The following GIMAP7 variants were observed in gnomAD, a reference collection of about 807,000 sequenced individuals.
The protein encoded by GIMAP7 is GTPase, IMAP family member 7, also known as GTPase IMAP family member 7.
For synonymous variants in GIMAP7, 137 were observed against 129.3 expected, an observed-to-expected ratio of 1.06 and a Z score of -0.40; for missense variants, 323 against 359.7, an observed-to-expected ratio of 0.90 and a Z score of 0.83.
intron 1 of GIMAP7, among the ~76,000 whole-genome samples, chr7:150,515,838 C>T (rs1795131718): frequency 6.6e-6 from 1 of 152,146 alleles, no homozygotes; most frequent in Non-Finnish European, 1.5e-5. Flanking sequence ...AATGCGGAGC[C>T]CTCCTCACGG....
In GIMAP7 at chr7:150,520,045, C is replaced by T; in HGVS notation, c.71C>T (p.Thr24Ile). 1 of 1,614,114 alleles carries T rather than the reference C, an allele frequency of 6.2e-7. No individual in the cohort carries two copies. Among genetic ancestry groups the T allele is most frequent in the Non-Finnish European group, 8.5e-7 (1 of 1,180,010 alleles). Residue 24 changes from threonine to isoleucine, a missense_variant, in exon 2 of 2, where the codon ACA becomes ATA. Coordinates refer to ENST00000313543, the MANE Select transcript of GIMAP7 (RefSeq NM_153236.4). ...AAAACTGGAAGTGGGAAAAGTGCAACAGCGAACACCATCCTTGGAGAGGAA... is the reference window on the plus strand; with the variant it reads ...AAAACTGGAAGTGGGAAAAGTGCAATAGCGAACACCATCCTTGGAGAGGAA... The part of the protein sequence containing the change: ...VGKTGSGKSA[T>I]ANTILGEEIF...
In GIMAP7 at chr7:150,520,590, T is replaced by C. The variant is rs1399569996; in HGVS notation, c.616T>C (p.Tyr206His). 7 of 1,614,050 alleles carry C rather than the reference T, an allele frequency of 4.3e-6. No individual in the cohort carries two copies. Among genetic ancestry groups the C allele is most frequent in the Admixed American group, 1.7e-5 (1 of 60,012 alleles). ...NEGAYFSDDI[Y>H]KDTEERLKQR... The stretch of plus-strand genomic sequence containing the variant: ...AGGGGCTTACTTTTCTGATGACATA[T>C]ACAAGGACACAGAGGAAAGGCTGAA... Residue 206 changes from tyrosine to histidine, a missense_variant, in exon 2 of 2, where the codon TAC (tyrosine) becomes CAC (histidine). Transcript: ENST00000313543.
intron 1 of GIMAP7, among the ~76,000 whole-genome samples, chr7:150,515,915 T>C (rs566856109): frequency 3.3e-5 from 5 of 152,140 alleles, no homozygotes; most frequent in African/African-American, 1.2e-4. Context: ...TCCTTTGCCC[T>C]CCACTGGTCT....
In GIMAP7 at chr7:150,520,859, T is replaced by C; in HGVS notation, c.885T>C (p.Cys295=). The part of the protein sequence containing the change: ...SEIWHRFLSK[C]KFYSS ...TATGGCATAGGTTTTTGTCGAAATG[T>C]AAGTTTTATTCTTCCTAATTTACTG... Residue 295 remains cysteine (C), a synonymous_variant, in exon 2 of 2, where the codon TGT becomes TGC. Coordinates refer to ENST00000313543, the MANE Select transcript of GIMAP7 (RefSeq NM_153236.4). The C allele has an allele frequency of 6.8e-7, 1 of 1,466,518 alleles. No homozygotes were observed. The highest frequency in any genetic ancestry group is 9.0e-7 in the Non-Finnish European group (1 of 1,105,298). The allele number at this position is 1,466,518 out of a possible 1,614,324, so 90.8% of individuals were successfully genotyped here.
At position 150,520,125 on chromosome 7, in the gene GIMAP7, T is replaced by C. The variant is rs867606711; in HGVS notation, c.151T>C (p.Ser51Pro). ...TGTTACCAAGAACTGTCAAAAAGCA[T>C]CCCGGGAATGGCAGGGGAGAGACCT... Reference protein sequence around the residue: ...QAVTKNCQKASREWQGRDLLV... With the variant: ...QAVTKNCQKAPREWQGRDLLV... The change falls in exon 2 of 2, where the codon TCC becomes CCC. Residue 51 changes from serine to proline, a missense_variant. Physicochemically the swap from Ser to Pro is moderately conservative, Grantham distance 74 (BLOSUM62 -1). Coordinates refer to ENST00000313543, the MANE Select transcript of GIMAP7 (RefSeq NM_153236.4). 5 of 1,614,080 alleles carry C rather than the reference T, an allele frequency of 3.1e-6. No individual in the cohort carries two copies. Among genetic ancestry groups the C allele is most frequent in the African/African-American group, 2.7e-5 (2 of 74,992 alleles).
At chr7:150,516,915 C>A (rs530263617) in intron 1 of GIMAP7, among the ~76,000 whole-genome samples, 32 of 152,256 alleles carry the variant, frequency 2.1e-4, no homozygotes, top group Non-Finnish European at 3.8e-4. Flanking sequence ...TTAGAAGGCA[C>A]ATATGTTTGA....
Position 150,520,282 on chromosome 7 carries a change from G to A in GIMAP7, c.308G>A (p.Arg103His), listed in dbSNP as rs1480182154. 2.8e-5 allele frequency: 45 copies of A among 1,614,000 alleles called. No individual in the cohort carries two copies. The highest frequency in any genetic ancestry group is 5.0e-5 in the Admixed American group (3 of 59,988). Residue 103 changes from arginine to histidine, a missense_variant, in exon 2 of 2, where the codon CGC becomes CAC. Arg to His is a conservative substitution (Grantham distance 29). Transcript: ENST00000313543. ...HAIVLVLLLGRYTEEEQKTVA... is the reference protein window; with the variant it reads ...HAIVLVLLLGHYTEEEQKTVA... ...ATTGTCCTAGTTCTGCTGCTGGGCC[G>A]CTACACAGAGGAGGAGCAGAAAACC...
chr7:150,515,170 T>C (rs574265680), intron 1 of GIMAP7, among the ~76,000 whole-genome samples: 1 of 152,310 alleles, frequency 6.6e-6, no homozygotes, highest in South Asian at 2.1e-4. Context: ...GGCTGCATAG[T>C]GCACCCTCCA....
chr7:150,520,749 GA>G lies in GIMAP7; in HGVS notation c.781del (p.Ile261Ter), dbSNP rs766831160. 1.3e-5 allele frequency: 20 copies of G among 1,499,752 alleles called. No homozygotes were observed. In the Middle Eastern group the frequency reaches 5.4e-4, roughly 40 times the overall value. The allele number at this position is 1,499,752 out of a possible 1,614,324, so 92.9% of individuals were successfully genotyped here. On this transcript the variant is annotated frameshift_variant, in exon 2 of 2. Transcript: ENST00000313543. LOFTEE classifies it low-confidence loss of function (END_TRUNC). ...TAAATTACTAAAATTAAAATATGAT[GA>G]AAAAATAAAAAATATAAGGGAAGAA... ...EIKLLKLKYD[E>X]KIKNIREEAE... is the part of the protein sequence containing the mutation.
Position 150,520,376 on chromosome 7 carries a change from A to T in GIMAP7, c.402A>T (p.Lys134Asn). 2 of 1,614,238 alleles carry T rather than the reference A, an allele frequency of 1.2e-6. No homozygotes were observed. Among genetic ancestry groups the T allele is most frequent in the Non-Finnish European group, 1.7e-6 (2 of 1,180,048 alleles). Residue 134 changes from lysine to asparagine, a missense_variant, in exon 2 of 2, where the codon AAA (lysine) becomes AAT (asparagine). Coordinates refer to ENST00000313543, the MANE Select transcript of GIMAP7 (RefSeq NM_153236.4). ...MKHMVILFTR[K>N]EELEGQSFHD... Reference sequence around the variant, plus strand: ...ACATGGTCATCTTGTTCACTCGCAAAGAAGAGTTGGAGGGCCAGAGCTTCC... The same window carrying T: ...ACATGGTCATCTTGTTCACTCGCAATGAAGAGTTGGAGGGCCAGAGCTTCC...
intron 1 of GIMAP7, 23 bp from the exon 2 acceptor site, chr7:150,519,911 T>C (rs543994152): frequency 4.8e-5 from 71 of 1,483,820 alleles, no homozygotes; most frequent in African/African-American, 2.4e-4. Flanking sequence ...TGGCTTTTTT[T>C]CCCCTATCTT....
At chr7:150,518,898 A>C (rs1795160241) in intron 1 of GIMAP7, among the ~76,000 whole-genome samples, 1 of 152,156 alleles carries the variant, frequency 6.6e-6, no homozygotes, top group African/African-American at 2.4e-5. Flanking sequence ...TTAAAATTGC[A>C]TCCAATTATA....
intron 1 of GIMAP7, among the ~76,000 whole-genome samples, chr7:150,518,238 T>C (rs1396647080): frequency 6.6e-6 from 1 of 152,128 alleles, no homozygotes; most frequent in Non-Finnish European, 1.5e-5. Flanking sequence ...TAAATGCATG[T>C]GTAATTTTTC....
Position 150,520,678 on chromosome 7 carries a change from T to C in GIMAP7, c.704T>C (p.Val235Ala). The stretch of plus-strand genomic sequence containing the variant: ...CAATTAAATGAAGAAATTAAACTAG[T>C]AGAAGAGGATAAGCATAAATCAGAG... ...TDQLNEEIKL[V>A]EEDKHKSEEE... Residue 235 changes from valine (V) to alanine (A), a missense_variant, in exon 2 of 2, where the codon GTA becomes GCA. Physicochemically the swap from Val to Ala is moderately conservative, Grantham distance 64. Transcript: ENST00000313543. 2 of 1,599,862 alleles carry C rather than the reference T, an allele frequency of 1.3e-6. No homozygotes were observed. Among genetic ancestry groups the C allele is most frequent in the Non-Finnish European group, 1.7e-6 (2 of 1,167,764 alleles).
chr7:150,519,943 G>T lies in GIMAP7; in HGVS notation c.-32G>T. 2 of 1,600,818 alleles carry T rather than the reference G, an allele frequency of 1.2e-6. No individual in the cohort carries two copies. Among genetic ancestry groups the T allele is most frequent in the East Asian group, 2.2e-5 (1 of 44,698 alleles). On this transcript the variant is annotated 5_prime_UTR_variant, in exon 2 of 2. Transcript: ENST00000313543. ...TCTTCCCCTCCTTAAGGTCTTGTAC[G>T]TGCCTAAGTTCTAGAGCCTCCTGAC...
At chr7:150,516,508 A>G (rs1229923693) in intron 1 of GIMAP7, among the ~76,000 whole-genome samples, 1 of 152,258 alleles carries the variant, frequency 6.6e-6, no homozygotes, top group Non-Finnish European at 1.5e-5. Context: ...ACAATTTCAT[A>G]AACAGCCTTC....
intron 1 of GIMAP7, 136 bp from the exon 2 acceptor site, chr7:150,519,798 T>C (rs558475987): frequency 1.7e-6 from 1 of 585,014 alleles, no homozygotes; most frequent in African/African-American, 1.9e-5. Flanking sequence ...CTATTTCATT[T>C]CTGTCTTTAC....
At chr7:150,519,143 G>A (rs1795162265) in intron 1 of GIMAP7, among the ~76,000 whole-genome samples, 1 of 152,120 alleles carries the variant, frequency 6.6e-6, no homozygotes, top group African/African-American at 2.4e-5. Context: ...TTGTCTGGTA[G>A]AGCTAGTCTT....
rs1795119774 is a variant in GIMAP7 at position 150,514,912 on chromosome 7, A to G, written c.-75A>G. ...GCAACAGCTCAAGCAGCCTCCTTGGAGAAAACCTGAAAATTCAACTTGTTC... is the reference window on the plus strand; with the variant it reads ...GCAACAGCTCAAGCAGCCTCCTTGGGGAAAACCTGAAAATTCAACTTGTTC... On this transcript the variant is annotated 5_prime_UTR_variant, in exon 1 of 2. Coordinates refer to ENST00000313543, the MANE Select transcript of GIMAP7 (RefSeq NM_153236.4). The G allele has an allele frequency of 6.6e-6, 1 of 152,388 alleles. No individual in the cohort carries two copies. Among genetic ancestry groups the G allele is most frequent in the Non-Finnish European group, 1.5e-5 (1 of 68,128 alleles). The allele number at this position is 152,388 out of a possible 1,614,324, so 9.4% of individuals were successfully genotyped here. A position where few individuals can be genotyped will look rare whatever the true frequency, so the allele number is the denominator to read the frequency against.
Sources: gnomAD v4.1 joint callset for allele counts (sites outside exome capture counted in the v4.1 genomes callset) on GRCh38, gnomAD v4.1.1 for gene constraint, MANE v1.5 for transcripts, NCBI Gene and HGNC (gene_info 2026-07-23, HGNC 2026-07-21) for gene names.